The following ACYP2 variants were observed in gnomAD, a reference collection of about 807,000 sequenced individuals.
The protein encoded by ACYP2 is acylphosphatase-2.
In ACYP2, 12 loss-of-function variants were observed where a neutral mutation model predicts 11.2. The observed-to-expected ratio is 1.08, with a 90% confidence interval of 0.69 to 1.74. The LOEUF is 1.74. Ranked by LOEUF, ACYP2 falls within the 40% of genes most tolerant of loss-of-function variation. The pLI, the probability that ACYP2 is intolerant of heterozygous loss-of-function variation, is 0.00. For synonymous variants in ACYP2, 43 were observed against 32.2 expected (o/e 1.33, Z -1.13); for missense variants, 134 against 101.9 (o/e 1.31, Z -1.35).
At chr2:54,132,875 G>C (rs376415165) in intron 4 of ACYP2, among the ~76,000 whole-genome samples, 5 of 151,596 alleles carry the variant, frequency 3.3e-5, no homozygotes, top group African/African-American at 1.2e-4. Context: ...CTCCCAAGTA[G>C]CTAGGATTAC....
At chr2:54,020,778 CT>C (rs1209920373) in intron 2 of ACYP2, among the ~76,000 whole-genome samples, 1 of 152,084 alleles carries the variant, frequency 6.6e-6, no homozygotes, top group Non-Finnish European at 1.5e-5. Flanking sequence ...TATTTTGTTT[CT>C]TGTTTAATTT....
rs116694346 is a variant in ACYP2 at position 54,156,435 on chromosome 2, C to T, written c.404+17687C>T. 3.4e-3 allele frequency among the ~76,000 whole-genome samples: 515 copies of T among 152,198 alleles called. 6 individuals carry two copies. Among genetic ancestry groups the T allele is most frequent in the African/African-American group, 0.012 (492 of 41,520 alleles). On this transcript the variant is annotated intron_variant, in intron 6 of 6. Coordinates refer to ENST00000607452, the MANE Select transcript of ACYP2 (RefSeq NM_001320586.2). ...CTCCCTCCCCTGCTCCCCAACAAGC[C>T]CCAGTGTGTGTTGTTCCTCTCCCTG...
At chr2:54,187,000 T>A (rs538586793) in intron 6 of ACYP2, among the ~76,000 whole-genome samples, 4 of 152,272 alleles carry the variant, frequency 2.6e-5, no homozygotes, top group Admixed American at 2.6e-4. Context: ...TGTCCAGCTT[T>A]AAGTTTCAAA....
chr2:54,148,974 A>G (rs1267452450), intron 6 of ACYP2, among the ~76,000 whole-genome samples: 2 of 152,176 alleles, frequency 1.3e-5, no homozygotes, highest in Admixed American at 6.5e-5. Flanking sequence ...GTGCCAGTCC[A>G]GGAACGGTGG....
intron 2 of ACYP2, among the ~76,000 whole-genome samples, chr2:53,994,113 G>T (rs533820093): frequency 1.3e-5 from 2 of 151,948 alleles, no homozygotes; most frequent in Non-Finnish European, 2.9e-5. Flanking sequence ...GGCGGATCCC[G>T]AGGTCAGGAG....
At chr2:54,025,385 A>G (rs1185692828) in intron 2 of ACYP2, among the ~76,000 whole-genome samples, 1 of 152,218 alleles carries the variant, frequency 6.6e-6, no homozygotes, top group Non-Finnish European at 1.5e-5. Context: ...AAATAGGCAC[A>G]TAGACCAGCA....
rs968619369 is a variant in ACYP2 at position 54,034,795 on chromosome 2, G to C, written c.63-16163G>C. ...GGAGGCCGAGGCGGGTGGATCACGA[G>C]GTCAGGCATTCAAGACCAGCCTGGC... On this transcript the variant is annotated intron_variant, in intron 2 of 6. Coordinates refer to ENST00000607452, the MANE Select transcript of ACYP2 (RefSeq NM_001320586.2). 2.6e-5 allele frequency among the ~76,000 whole-genome samples: 4 copies of C among 151,986 alleles called. No individual in the cohort carries two copies. The South Asian group carries it at 8.3e-4, about 32-fold the overall frequency.
intron 4 of ACYP2, among the ~76,000 whole-genome samples, chr2:54,069,523 G>A (rs561238821): frequency 5.3e-5 from 8 of 152,198 alleles, no homozygotes; most frequent in African/African-American, 9.6e-5. Flanking sequence ...TTAGCCGGGC[G>A]TGGTGGCGGG....
In ACYP2 at chr2:54,184,793, T is replaced by A. The variant is rs843674; in HGVS notation, c.404+46045T>A. On this transcript the variant is annotated intron_variant, in intron 6 of 6. Coordinates refer to ENST00000607452, the MANE Select transcript of ACYP2 (RefSeq NM_001320586.2). Reference sequence around the variant, plus strand: ...GGTGCTATGTTTTAGAAGAAAAGACTCCATGTTATAACAATATCAATTCAT... The same window carrying A: ...GGTGCTATGTTTTAGAAGAAAAGACACCATGTTATAACAATATCAATTCAT... Among the ~76,000 whole-genome samples, 11 of 151,860 alleles carry A rather than the reference T, an allele frequency of 7.2e-5. No individual in the cohort carries two copies. In the East Asian group the frequency reaches 2.1e-3, roughly 29 times the overall value.
intron 6 of ACYP2, among the ~76,000 whole-genome samples, chr2:54,210,312 C>T (rs1041244335): frequency 6.6e-6 from 1 of 152,036 alleles, no homozygotes; most frequent in Non-Finnish European, 1.5e-5. Flanking sequence ...CCAATGTTGA[C>T]TGAAATTGCT....
At chr2:54,022,116 C>T (rs1674036418) in intron 2 of ACYP2, among the ~76,000 whole-genome samples, 1 of 152,178 alleles carries the variant, frequency 6.6e-6, no homozygotes, top group Admixed American at 6.5e-5. Flanking sequence ...TATTTGTCAT[C>T]TTGATTCACC....
chr2:54,171,949 C>T (rs1683238260), intron 6 of ACYP2, among the ~76,000 whole-genome samples: 1 of 152,048 alleles, frequency 6.6e-6, no homozygotes, highest in African/African-American at 2.4e-5. Flanking sequence ...TGTGGCGGTT[C>T]ACACCTGTAA....
chr2:54,286,426 A>G (rs1014741124), intron 6 of ACYP2, among the ~76,000 whole-genome samples: 1 of 152,026 alleles, frequency 6.6e-6, no homozygotes, highest in African/African-American at 2.4e-5. Flanking sequence ...TGTGAGTTGA[A>G]CCATTACAAA....
intron 6 of ACYP2, among the ~76,000 whole-genome samples, chr2:54,236,944 C>G (rs1686507597): frequency 6.6e-6 from 1 of 152,134 alleles, no homozygotes; most frequent in African/African-American, 2.4e-5. Context: ...GGTTCCATAT[C>G]TGTGGATTCA....
intron 6 of ACYP2, among the ~76,000 whole-genome samples, chr2:54,258,679 T>C (rs1687656122): frequency 6.6e-6 from 1 of 152,146 alleles, no homozygotes; most frequent in South Asian, 2.1e-4. Context: ...GTGAAAGATG[T>C]TTCTCAGACC....
intron 2 of ACYP2, among the ~76,000 whole-genome samples, chr2:54,011,145 C>T (rs1356329713): frequency 1.3e-5 from 2 of 152,084 alleles, no homozygotes; most frequent in African/African-American, 4.8e-5. Context: ...CTCATTTTAG[C>T]ATTGAGAATC....
chr2:54,152,613 C>T (rs1682232177), intron 6 of ACYP2, among the ~76,000 whole-genome samples: 1 of 152,138 alleles, frequency 6.6e-6, no homozygotes, highest in Non-Finnish European at 1.5e-5. Context: ...CCTAGTTTTG[C>T]TTTGCCCAGA....
intron 6 of ACYP2, among the ~76,000 whole-genome samples, chr2:54,273,780 A>G (rs1358315031): frequency 1.3e-5 from 2 of 152,116 alleles, no homozygotes; most frequent in African/African-American, 4.8e-5. Context: ...CTAAACTTTT[A>G]TGCCTGAATA....
At chr2:54,045,388 G>A (rs545700837) in intron 2 of ACYP2, among the ~76,000 whole-genome samples, 23 of 152,294 alleles carry the variant, frequency 1.5e-4, no homozygotes, top group Admixed American at 7.8e-4. Context: ...GTGTATTGGC[G>A]TGTTACTATG....
Sources: allele counts gnomAD v4.1 joint callset (sites outside exome capture counted in the v4.1 genomes callset), GRCh38; gene constraint gnomAD v4.1.1; transcripts MANE v1.5; gene names NCBI Gene and HGNC (gene_info 2026-07-23, HGNC 2026-07-21).